The following CDH13 variants were observed in gnomAD, a reference collection of about 807,000 sequenced individuals.
The protein encoded by CDH13 is cadherin 13.
A neutral mutation model predicts 63.8 loss-of-function variants in CDH13; 24 were observed. The ratio of observed to expected loss-of-function variants is 0.38; its 90% CI spans 0.27 to 0.53. The LOEUF (loss-of-function observed/expected upper bound fraction) is 0.53, where lower values mean the gene tolerates loss of function less well. Ranked by LOEUF, CDH13 falls within the 20% of genes least tolerant of loss-of-function variation. The pLI is 0.85. For synonymous variants in CDH13, 503 were observed against 355.3 expected (o/e 1.42, Z -4.67); for missense variants, 1,049 against 903.1 (o/e 1.16, Z -2.07).
intron 6 of CDH13, among the ~76,000 whole-genome samples, chr16:83,369,368 AG>A (rs2091320748): frequency 6.6e-6 from 1 of 152,060 alleles, no homozygotes; most frequent in African/African-American, 2.4e-5. Flanking sequence ...ATAAGCATGT[AG>A]GTCCAAACCT....
At chr16:83,765,140 A>G (rs147536140) in intron 11 of CDH13, among the ~76,000 whole-genome samples, 159 of 152,262 alleles carry the variant, frequency 1.0e-3, no homozygotes, top group African/African-American at 3.6e-3. Flanking sequence ...CTGCTTACAT[A>G]TCTGTTCCTG....
intron 1 of CDH13, chr16:82,637,597 AT>A (rs34337263): frequency 5.5e-4 from 79 of 144,476 alleles, no homozygotes; most frequent in Middle Eastern, 7.0e-3. Context: ...CGCCCGGCTA[AT>A]TTTTTTTTTT....
chr16:83,653,270 T>A (rs1421686268), intron 8 of CDH13, among the ~76,000 whole-genome samples: 1 of 152,150 alleles, frequency 6.6e-6, no homozygotes, highest in Non-Finnish European at 1.5e-5. Context: ...AATCCATTCA[T>A]ATGTACAATT....
At chr16:82,799,922 C>A (rs1181484128) in intron 1 of CDH13, among the ~76,000 whole-genome samples, 3 of 152,150 alleles carry the variant, frequency 2.0e-5, no homozygotes, top group Non-Finnish European at 4.4e-5. Context: ...CGTATTGACT[C>A]CTAGGTAGGA....
At chr16:83,242,685 A>G (rs1174300135) in intron 5 of CDH13, among the ~76,000 whole-genome samples, 1 of 152,206 alleles carries the variant, frequency 6.6e-6, no homozygotes, top group Non-Finnish European at 1.5e-5. Flanking sequence ...CAATGGCAAT[A>G]CTTGGGAAAA....
intron 5 of CDH13, among the ~76,000 whole-genome samples, chr16:83,339,164 G>A (rs142713803): frequency 6.6e-6 from 1 of 152,280 alleles, no homozygotes; most frequent in East Asian, 1.9e-4. Context: ...GATGTGGGCA[G>A]GATATGTTGA....
intron 2 of CDH13, among the ~76,000 whole-genome samples, chr16:82,996,091 A>G (rs1258111203): frequency 1.3e-5 from 2 of 152,296 alleles, no homozygotes; most frequent in African/African-American, 4.8e-5. Context: ...GGGCAAAAGC[A>G]TAGCAGAAGG....
intron 2 of CDH13, among the ~76,000 whole-genome samples, chr16:82,989,940 C>A (rs968401234): frequency 2.2e-5 from 3 of 137,692 alleles, no homozygotes; most frequent in African/African-American, 8.0e-5. Flanking sequence ...TCTCATCAGT[C>A]CCATTTTTTT....
Position 83,246,547 on chromosome 16 carries a change from T to C in CDH13, c.636+29050T>C, listed in dbSNP as rs542683954. ...CATGGTTCATTCATCTCCATTTTAT[T>C]CCTTCTAGAATGTATTTTTTTAGAA... On this transcript the variant is annotated intron_variant, in intron 5 of 13. Coordinates refer to ENST00000567109, the MANE Select transcript of CDH13 (RefSeq NM_001257.5). Among the ~76,000 whole-genome samples, 132 of 152,280 alleles carry C rather than the reference T, an allele frequency of 8.7e-4. 1 individual carries two copies. Among genetic ancestry groups the C allele is most frequent in the Non-Finnish European group, 1.5e-3 (105 of 68,002 alleles).
At chr16:83,427,835 C>G (rs1002303780) in intron 6 of CDH13, among the ~76,000 whole-genome samples, 8 of 152,190 alleles carry the variant, frequency 5.3e-5, no homozygotes, top group African/African-American at 1.9e-4. Flanking sequence ...TTCTGTTCCC[C>G]TAATAGTATT....
chr16:82,809,880 A>G (rs2037354809), intron 1 of CDH13, among the ~76,000 whole-genome samples: 2 of 152,166 alleles, frequency 1.3e-5, no homozygotes. Flanking sequence ...CAGCCTTCTC[A>G]AGATACATAT....
At chr16:83,152,801 A>G (rs2037042154) in intron 4 of CDH13, among the ~76,000 whole-genome samples, 1 of 152,202 alleles carries the variant, frequency 6.6e-6, no homozygotes, top group African/African-American at 2.4e-5. Context: ...TGTGGCAGAT[A>G]TAATTAGTTA....
chr16:82,887,856 GT>G (rs757180018), intron 2 of CDH13, among the ~76,000 whole-genome samples: 3 of 151,342 alleles, frequency 2.0e-5, no homozygotes, highest in African/African-American at 4.8e-5. Context: ...TGTCTCAAGG[GT>G]TTTTTTTTCC....
At chr16:83,233,674 A>G (rs1393135036) in intron 5 of CDH13, among the ~76,000 whole-genome samples, 2 of 152,116 alleles carry the variant, frequency 1.3e-5, no homozygotes, top group African/African-American at 2.4e-5. Flanking sequence ...TTTCACACTG[A>G]CATCTTTCCT....
intron 6 of CDH13, among the ~76,000 whole-genome samples, chr16:83,378,121 C>A (rs1008088731): frequency 1.3e-5 from 2 of 152,222 alleles, no homozygotes; most frequent in African/African-American, 2.4e-5. Flanking sequence ...CTTGCAGAAG[C>A]AGCATCACCA....
At chr16:83,134,081 G>A (rs1201584035) in intron 4 of CDH13, among the ~76,000 whole-genome samples, 1 of 152,194 alleles carries the variant, frequency 6.6e-6, no homozygotes, top group Non-Finnish European at 1.5e-5. Context: ...ACCATTATAT[G>A]ATCAGTCTGG....
chr16:83,316,910 C>G (rs1567586808), intron 5 of CDH13, among the ~76,000 whole-genome samples: 1 of 152,324 alleles, frequency 6.6e-6, no homozygotes, highest in East Asian at 1.9e-4. Flanking sequence ...CCAGGCTGAT[C>G]TGGGTTCTGG....
At chr16:83,160,439 A>G (rs1278119029) in intron 4 of CDH13, among the ~76,000 whole-genome samples, 1 of 152,194 alleles carries the variant, frequency 6.6e-6, no homozygotes, top group Non-Finnish European at 1.5e-5. Flanking sequence ...GACCTATGGC[A>G]ATGGAGATGA....
At chr16:83,039,756 C>T (rs1052817337) in intron 3 of CDH13, among the ~76,000 whole-genome samples, 1 of 152,078 alleles carries the variant, frequency 6.6e-6, no homozygotes, top group African/African-American at 2.4e-5. Flanking sequence ...ACTCTCCCTC[C>T]TTCAATACCA....
Sources: gnomAD v4.1 joint callset for allele counts (sites outside exome capture counted in the v4.1 genomes callset) on GRCh38, gnomAD v4.1.1 for gene constraint, MANE v1.5 for transcripts, NCBI Gene and HGNC (gene_info 2026-07-23, HGNC 2026-07-21) for gene names.